Variants in BTRC observed in about 807,000 individuals in gnomAD.
BTRC encodes the protein beta-transducin repeat containing E3 ubiquitin protein ligase.
BTRC carries 42 observed loss-of-function variants against 85.5 expected under a neutral mutation model. The ratio of observed to expected loss-of-function variants is 0.49; its 90% CI spans 0.38 to 0.64. The LOEUF is 0.64. BTRC is among the 30% of genes least tolerant of loss of function. The probability of loss-of-function intolerance (pLI) is 0.00; values close to 1 mark genes in which losing one functional copy is unlikely to be tolerated. For synonymous variants in BTRC, 255 were observed against 263.3 expected (o/e 0.97, Z 0.30); for missense variants, 594 against 743.5 (o/e 0.80, Z 2.34).
intron 1 of BTRC, among the ~76,000 whole-genome samples, chr10:101,378,330 T>G (rs1448610763): frequency 6.6e-6 from 1 of 152,158 alleles, no homozygotes; most frequent in Non-Finnish European, 1.5e-5. Flanking sequence ...GAATTATGTT[T>G]TTCACATTTG....
At chr10:101,483,613 A>G (rs1945904117) in intron 4 of BTRC, among the ~76,000 whole-genome samples, 1 of 151,966 alleles carries the variant, frequency 6.6e-6, no homozygotes, top group Non-Finnish European at 1.5e-5. Context: ...CTGAAAATGT[A>G]GGAGGGTCTA....
intron 3 of BTRC, among the ~76,000 whole-genome samples, chr10:101,464,109 A>G (rs1945303309): frequency 6.6e-6 from 1 of 152,220 alleles, no homozygotes; most frequent in South Asian, 2.1e-4. Context: ...TGCCCACTAT[A>G]CAGAAACAAC....
chr10:101,410,609 G>A (rs911646477), intron 1 of BTRC, among the ~76,000 whole-genome samples: 1 of 151,962 alleles, frequency 6.6e-6, no homozygotes, highest in African/African-American at 2.4e-5. Flanking sequence ...GCAAGACTCT[G>A]TCTTGGACAA....
At chr10:101,467,078 A>G (rs1399967686) in intron 3 of BTRC, among the ~76,000 whole-genome samples, 1 of 152,186 alleles carries the variant, frequency 6.6e-6, no homozygotes, top group Non-Finnish European at 1.5e-5. Context: ...TAAGCCAGTG[A>G]ACTGAGAGAA....
chr10:101,504,279 T>C (rs1428771476), intron 4 of BTRC, among the ~76,000 whole-genome samples: 2 of 152,216 alleles, frequency 1.3e-5, no homozygotes, highest in Non-Finnish European at 2.9e-5. Flanking sequence ...TTATCTCCTC[T>C]CCCTCTTGAT....
chr10:101,375,372 G>C (rs1942763364), intron 1 of BTRC, among the ~76,000 whole-genome samples: 1 of 152,110 alleles, frequency 6.6e-6, no homozygotes. Context: ...GGCCTCCCCA[G>C]AAGCAGAAAC....
At chr10:101,459,804 A>G (rs1239617442) in intron 2 of BTRC, among the ~76,000 whole-genome samples, 1 of 152,202 alleles carries the variant, frequency 6.6e-6, no homozygotes, top group Non-Finnish European at 1.5e-5. Flanking sequence ...ATAGAGGGTC[A>G]GTAAAAAGAA....
chr10:101,536,719 T>A, intron 12 of BTRC, 66 bp downstream of exon 12: 1 of 1,172,862 alleles, frequency 8.5e-7, no homozygotes, highest in Non-Finnish European at 1.2e-6. Flanking sequence ...ATGTTTATGG[T>A]GTTAAACATA....
intron 1 of BTRC, among the ~76,000 whole-genome samples, chr10:101,372,112 ATTC>A (rs1292683475): frequency 1.3e-5 from 2 of 152,032 alleles, no homozygotes; most frequent in African/African-American, 4.8e-5. Context: ...CCATTGGTCT[ATTC>A]TTGTGCCAAT....
chr10:101,502,179 A>G (rs764659213), intron 4 of BTRC, among the ~76,000 whole-genome samples: 1 of 152,196 alleles, frequency 6.6e-6, no homozygotes, highest in Non-Finnish European at 1.5e-5. Context: ...TGCTGATTCT[A>G]AAACAATGCC....
At position 101,464,189 on chromosome 10, in the gene BTRC, G is replaced by A. The variant is rs894583833; in HGVS notation, c.234+2131G>A. On this transcript the variant is annotated intron_variant, in intron 3 of 14. Coordinates refer to ENST00000370187, the MANE Select transcript of BTRC (RefSeq NM_033637.4). ...AAGCTAACAAACGAATTTTCTCTCT[G>A]CAAAGTTATAAATTAATTTTAATAG... Among the ~76,000 whole-genome samples, 4 of 152,216 alleles carry A rather than the reference G, an allele frequency of 2.6e-5. No individual in the cohort carries two copies. In the East Asian group the frequency reaches 7.7e-4, roughly 29 times the overall value.
Position 101,399,136 on chromosome 10 carries a change from G to T in BTRC, c.49-31209G>T, listed in dbSNP as rs190694503. The stretch of plus-strand genomic sequence containing the variant: ...CCCGGCTAATTTTTTTGTATTTTTA[G>T]TAGAGATGGGGTTTCACCATGTTGG... On this transcript the variant is annotated intron_variant, in intron 1 of 14. Coordinates refer to ENST00000370187, the MANE Select transcript of BTRC (RefSeq NM_033637.4). Among the ~76,000 whole-genome samples, 516 of 152,092 alleles carry T rather than the reference G, an allele frequency of 3.4e-3. 3 individuals are homozygous for T. Among genetic ancestry groups the T allele is most frequent in the African/African-American group, 0.012 (496 of 41,480 alleles).
At chr10:101,538,912 A>C (rs1215414052) in intron 13 of BTRC, among the ~76,000 whole-genome samples, 1 of 152,094 alleles carries the variant, frequency 6.6e-6, no homozygotes, top group Non-Finnish European at 1.5e-5. Flanking sequence ...TTAGCCAAGC[A>C]TGGTGGCAGG....
intron 4 of BTRC, among the ~76,000 whole-genome samples, chr10:101,493,429 C>G (rs1410950106): frequency 6.6e-6 from 1 of 152,216 alleles, no homozygotes; most frequent in African/African-American, 2.4e-5. Context: ...TGCCCAAGGT[C>G]ATACTGTATG....
intron 1 of BTRC, among the ~76,000 whole-genome samples, chr10:101,415,311 G>T (rs1471057653): frequency 6.6e-6 from 1 of 151,548 alleles, no homozygotes; most frequent in Admixed American, 6.6e-5. Flanking sequence ...GAGTAGCTGG[G>T]ACTACAGGCA....
intron 5 of BTRC, among the ~76,000 whole-genome samples, chr10:101,525,477 CCTT>C (rs1364883330): frequency 3.9e-5 from 6 of 152,136 alleles, no homozygotes; most frequent in African/African-American, 9.7e-5. Flanking sequence ...TTCTGTATTT[CCTT>C]CTTCTCTCCT....
chr10:101,465,022 A>G lies in BTRC; in HGVS notation c.234+2964A>G, dbSNP rs545196865. Among the ~76,000 whole-genome samples the G allele has an allele frequency of 5.3e-5, 8 of 152,316 alleles. No homozygotes were observed. In the South Asian group the frequency reaches 1.7e-3, roughly 32 times the overall value. ...TTGCTGATTTTTTTTAAGGTAGGAC[A>G]TAGTATATAAGCTGTTTAAACTCCC... is the stretch of plus-strand genomic sequence containing the variant. On this transcript the variant is annotated intron_variant, in intron 3 of 14. Transcript: ENST00000370187.
intron 3 of BTRC, among the ~76,000 whole-genome samples, chr10:101,473,207 C>CTTT (rs34197747): frequency 7.0e-6 from 1 of 143,212 alleles, no homozygotes; most frequent in African/African-American, 2.6e-5. Flanking sequence ...GTTTATCTAT[C>CTTT]TTTTTTTTTT....
chr10:101,397,302 A>T (rs1181401478), intron 1 of BTRC, among the ~76,000 whole-genome samples: 2 of 152,234 alleles, frequency 1.3e-5, no homozygotes, highest in Non-Finnish European at 2.9e-5. Context: ...CAGCCCAGAT[A>T]AGCTGCATCC....
Sources: gnomAD v4.1 joint callset for allele counts (sites outside exome capture counted in the v4.1 genomes callset) on GRCh38, gnomAD v4.1.1 for gene constraint, MANE v1.5 for transcripts, NCBI Gene and HGNC (gene_info 2026-07-23, HGNC 2026-07-21) for gene names.